VIT: variants seen among roughly 807,000 people sequenced by gnomAD.
The protein encoded by VIT is vitrin.
VIT carries 99 observed loss-of-function variants against 78.0 expected under a neutral mutation model. The observed-to-expected ratio is 1.27, with a 90% confidence interval of 1.08 to 1.50. The LOEUF is 1.50. Ranked by LOEUF, VIT falls within the 40% of genes most tolerant of loss-of-function variation. The pLI is 0.00. For synonymous variants in VIT, 374 were observed against 334.3 expected (o/e 1.12, Z -1.29); for missense variants, 1,126 against 875.3 (o/e 1.29, Z -3.61).
At chr2:36,705,293 T>G (rs184675049) in intron 1 of VIT, among the ~76,000 whole-genome samples, 4 of 152,186 alleles carry the variant, frequency 2.6e-5, no homozygotes, top group Admixed American at 2.6e-4. Context: ...TTGGAAGGGG[T>G]TCTTTAGAGC....
At chr2:36,713,891 G>T (rs1343354041) in intron 1 of VIT, among the ~76,000 whole-genome samples, 1 of 152,218 alleles carries the variant, frequency 6.6e-6, no homozygotes, top group Non-Finnish European at 1.5e-5. Flanking sequence ...AAACACTCAG[G>T]CTTGAAGATA....
chr2:36,798,856 G>A (rs1232400417), intron 12 of VIT, among the ~76,000 whole-genome samples: 2 of 152,194 alleles, frequency 1.3e-5, no homozygotes, highest in South Asian at 2.1e-4. Flanking sequence ...CTCCTCCACT[G>A]TGTGACTCCT....
chr2:36,803,105 G>A (rs1191499125), intron 13 of VIT, among the ~76,000 whole-genome samples: 2 of 152,100 alleles, frequency 1.3e-5, no homozygotes, highest in African/African-American at 2.4e-5. Flanking sequence ...CCAGAACCAC[G>A]CCCTCCCTGT....
At chr2:36,751,242 G>A (rs1175533737) in intron 4 of VIT, among the ~76,000 whole-genome samples, 2 of 152,036 alleles carry the variant, frequency 1.3e-5, no homozygotes, top group African/African-American at 4.8e-5. Flanking sequence ...CTAAAAATAT[G>A]AAAATCAGCT....
chr2:36,758,913 A>G (rs1382839065), intron 5 of VIT, 56 bp from the exon 6 acceptor site: 30 of 1,483,790 alleles, frequency 2.0e-5, no homozygotes, highest in Non-Finnish European at 2.6e-5. Flanking sequence ...GTACAGAACC[A>G]TCTAAAACCT....
Position 36,716,436 on chromosome 2 carries a change from T to C in VIT, c.52+14T>C. On this transcript the variant is annotated intron_variant, in intron 2 of 15. Coordinates refer to ENST00000379242, the MANE Select transcript of VIT (RefSeq NM_053276.4). ...AAATGTTCCTTGGTAAGTACTTTTA[T>C]ATGTGTATCTGGATACCCTTTTAAA... The C allele has an allele frequency of 1.2e-6, 2 of 1,613,102 alleles. No homozygotes were observed. Among genetic ancestry groups the C allele is most frequent in the South Asian group, 1.1e-5 (1 of 90,996 alleles).
intron 9 of VIT, among the ~76,000 whole-genome samples, chr2:36,779,404 T>C (rs192212455): frequency 6.6e-6 from 1 of 152,216 alleles, no homozygotes; most frequent in Admixed American, 6.5e-5. Flanking sequence ...TAAACACCAA[T>C]GGCTTCTACA....
In VIT at chr2:36,808,472, G is replaced by T. The variant is rs1298488934; in HGVS notation, c.1390G>T (p.Ala464Ser). 1 of 1,602,056 alleles carries T rather than the reference G, an allele frequency of 6.2e-7. No individual in the cohort carries two copies. The highest frequency in any genetic ancestry group is 8.5e-7 in the Non-Finnish European group (1 of 1,171,186). The change falls in exon 15 of 16, where the codon GCC (alanine) becomes TCC (serine). Residue 464 changes from alanine (A) to serine (S), a missense_variant and splice_region_variant. Transcript: ENST00000379242. ...YVVEPNFANK[A>S]VCRTNGFYSL... The stretch of plus-strand genomic sequence containing the variant: ...TGGGTCCCTCCCCTCTGTCTTCTAG[G>T]CCGTGTGCAGAACAAACGGCTTCTA...
chr2:36,801,252 A>G lies in VIT; in HGVS notation c.1059-49A>G, dbSNP rs777073205. 1.0e-5 allele frequency: 15 copies of G among 1,497,182 alleles called. No individual in the cohort carries two copies. In the South Asian group the frequency reaches 1.1e-4, roughly 11 times the overall value. The allele number at this position is 1,497,182 out of a possible 1,614,324, so 92.7% of individuals were successfully genotyped here. ...CAACCATGATCTCTGCCTTCCTCCA[A>G]AGGTATTAACTTTGCAGCTAATTTG... On this transcript the variant is annotated intron_variant, in intron 12 of 15. Coordinates refer to ENST00000379242, the MANE Select transcript of VIT (RefSeq NM_053276.4).
At chr2:36,759,378 C>G in intron 6 of VIT, 1 of 1,383,928 alleles carries the variant, frequency 7.2e-7, no homozygotes, top group South Asian at 1.6e-5. Flanking sequence ...TTCCTGGCAG[C>G]TAAAAGGAAA....
At position 36,729,407 on chromosome 2, in the gene VIT, A is replaced by T. The variant is rs565044538; in HGVS notation, c.53-19A>T. Reference sequence around the variant, plus strand: ...GTAAAATAAAATTGATTAAATTTTTAAAAATTTTCTTCATGTAGTTTTGCT... The same window carrying T: ...GTAAAATAAAATTGATTAAATTTTTTAAAATTTTCTTCATGTAGTTTTGCT... On this transcript the variant is annotated intron_variant, in intron 2 of 15. Coordinates refer to ENST00000379242, the MANE Select transcript of VIT (RefSeq NM_053276.4). 41 of 1,584,434 alleles carry T rather than the reference A, an allele frequency of 2.6e-5. No individual in the cohort carries two copies. The East Asian group carries it at 2.9e-4, about 11-fold the overall frequency.
chr2:36,774,617 G>A, intron 8 of VIT: 1 of 985,442 alleles, frequency 1.0e-6, no homozygotes, highest in Non-Finnish European at 1.2e-6. Flanking sequence ...GATAGGAACA[G>A]GGGCCCAATG....
At chr2:36,763,227 A>G (rs1309502626) in intron 6 of VIT, among the ~76,000 whole-genome samples, 2 of 152,112 alleles carry the variant, frequency 1.3e-5, no homozygotes, top group Non-Finnish European at 2.9e-5. Context: ...TGGAACCTGC[A>G]TTTTAACACC....
At position 36,739,138 on chromosome 2, in the gene VIT, AC is replaced by A. The variant is rs771263402; in HGVS notation, c.119-3961del. 1.6e-3 allele frequency among the ~76,000 whole-genome samples: 235 copies of A among 147,314 alleles called. 1 individual carries two copies. The highest frequency in any genetic ancestry group is 6.5e-4 in the Non-Finnish European group (42 of 64,938). ...TAAGTTTAATATTAAAAGTTTTCAT[AC>A]ATAAGTGATTTTTTTTATGTTATAA... On this transcript the variant is annotated intron_variant, in intron 3 of 15. Coordinates refer to ENST00000379242, the MANE Select transcript of VIT (RefSeq NM_053276.4).
chr2:36,739,592 T>A (rs1307539271), intron 3 of VIT, among the ~76,000 whole-genome samples: 2 of 152,192 alleles, frequency 1.3e-5, no homozygotes, highest in Non-Finnish European at 2.9e-5. Context: ...CGATCTGGTT[T>A]GCAGGTGGTT....
chr2:36,812,760 T>C (rs1010764214), intron 15 of VIT, among the ~76,000 whole-genome samples: 1 of 152,116 alleles, frequency 6.6e-6, no homozygotes, highest in African/African-American at 2.4e-5. Flanking sequence ...CACTTCTTTT[T>C]CAGTCTCAAC....
At position 36,805,982 on chromosome 2, in the gene VIT, ACTCT is replaced by A. The variant is rs149938226; in HGVS notation, c.1389+332_1389+335del. Among the ~76,000 whole-genome samples the A allele has an allele frequency of 3.5e-4, 53 of 150,316 alleles. 1 individual carries two copies. The East Asian group carries it at 7.2e-3, about 21-fold the overall frequency. Reference sequence around the variant, plus strand: ...TTTACACATGCATGCAAGCGAACATACTCTCTCTCTCTCTCTCACACACACACAC... The same window carrying A: ...TTTACACATGCATGCAAGCGAACATACTCTCTCTCTCTCACACACACACAC... On this transcript the variant is annotated intron_variant, in intron 14 of 15. Coordinates refer to ENST00000379242, the MANE Select transcript of VIT (RefSeq NM_053276.4).
At chr2:36,778,249 C>G (rs1435899084) in intron 9 of VIT, among the ~76,000 whole-genome samples, 1 of 152,238 alleles carries the variant, frequency 6.6e-6, no homozygotes, top group African/African-American at 2.4e-5. Flanking sequence ...GCCCCACACT[C>G]TCCTACTCCA....
chr2:36,797,934 G>C (rs938127334), intron 12 of VIT, among the ~76,000 whole-genome samples: 1 of 152,174 alleles, frequency 6.6e-6, no homozygotes, highest in African/African-American at 2.4e-5. Flanking sequence ...GGGGCTGGGA[G>C]TAAGGGAGAT....
Sources: gnomAD v4.1 joint callset for allele counts (sites outside exome capture counted in the v4.1 genomes callset) on GRCh38, gnomAD v4.1.1 for gene constraint, MANE v1.5 for transcripts, NCBI Gene and HGNC (gene_info 2026-07-23, HGNC 2026-07-21) for gene names.